Variants in TSNAX observed in about 807,000 individuals in gnomAD.
The protein encoded by TSNAX is translin-associated protein X.
A neutral mutation model predicts 33.0 loss-of-function variants in TSNAX; 12 were observed. The ratio of observed to expected loss-of-function variants is 0.36; its 90% confidence interval spans 0.23 to 0.59. The LOEUF is 0.59. TSNAX is among the 20% of genes least tolerant of loss of function. The probability of loss-of-function intolerance (pLI) is 0.74; values close to 1 mark genes in which losing one functional copy is unlikely to be tolerated. For synonymous variants in TSNAX, 110 were observed against 117.2 expected, an observed-to-expected ratio of 0.94 and a Z score of 0.40; for missense variants, 267 against 341.3, an observed-to-expected ratio of 0.78 and a Z score of 1.72.
At chr1:231,561,882 C>T (rs1255471674) in intron 5 of TSNAX, among the ~76,000 whole-genome samples, 7 of 152,092 alleles carry the variant, frequency 4.6e-5, no homozygotes, top group Non-Finnish European at 1.0e-4. Context: ...GCACCTGACA[C>T]GGAAGTGCTC....
At chr1:231,541,551 T>C (rs1009325302) in intron 3 of TSNAX, among the ~76,000 whole-genome samples, 1 of 152,150 alleles carries the variant, frequency 6.6e-6, no homozygotes, top group African/African-American at 2.4e-5. Flanking sequence ...TTCCACAATA[T>C]GTTATGATTT....
intron 4 of TSNAX, among the ~76,000 whole-genome samples, chr1:231,560,416 CCCTT>C (rs1279002460): frequency 9.3e-6 from 1 of 107,264 alleles, no homozygotes; most frequent in African/African-American, 3.5e-5. Context: ...TCCCCCCCCC[CCCTT>C]TTTTTTTTTT....
Position 231,537,356 on chromosome 1 carries a change from A to G in TSNAX, c.236+29A>G, listed in dbSNP as rs749382857. ...AGTAAGCATCTTTAGAATTTATTAC[A>G]GTTTGATACTAGCTATTAGAATATT... On this transcript the variant is annotated intron_variant, in intron 3 of 5. Coordinates refer to ENST00000366639, the MANE Select transcript of TSNAX (RefSeq NM_005999.3). 2.2e-6 allele frequency: 3 copies of G among 1,380,186 alleles called. No homozygotes were observed. In the East Asian group the frequency reaches 6.9e-5, roughly 32 times the overall value. The allele number at this position is 1,380,186 out of a possible 1,614,324, so 85.5% of individuals were successfully genotyped here.
In TSNAX at chr1:231,529,331, A is replaced by T; in HGVS notation, c.93A>T (p.Ser31=). The T allele has an allele frequency of 6.2e-7, 1 of 1,614,210 alleles. No homozygotes were observed. The highest frequency in any genetic ancestry group is 8.5e-7 in the Non-Finnish European group (1 of 1,180,024). The change falls in exon 2 of 6, where the codon TCA becomes TCT. Residue 31 remains serine (S), a synonymous_variant. Coordinates refer to ENST00000366639, the MANE Select transcript of TSNAX (RefSeq NM_005999.3). ...GAAGAGAAGGGAAGGATGTTAATTC[A>T]TCTTCACCCGTGATGTTGGCCTTTA... ...NQRREGKDVN[S]SSPVMLAFKS...
intron 4 of TSNAX, among the ~76,000 whole-genome samples, chr1:231,560,660 C>T (rs938457290): frequency 2.0e-5 from 3 of 151,926 alleles, no homozygotes; most frequent in South Asian, 2.1e-4. Context: ...TCAGGTGATC[C>T]GCCCACCTCA....
intron 2 of TSNAX, 99 bp downstream of exon 2, chr1:231,529,458 C>A: frequency 8.0e-7 from 1 of 1,253,146 alleles, no homozygotes; most frequent in Non-Finnish European, 1.1e-6. Context: ...TAATGTGAAA[C>A]TTTAGCTGGA....
chr1:231,530,552 T>C (rs1658622079), intron 2 of TSNAX, among the ~76,000 whole-genome samples: 1 of 151,870 alleles, frequency 6.6e-6, no homozygotes, highest in South Asian at 2.1e-4. Context: ...TGAAACCCCG[T>C]CTCTACTAAA....
intron 4 of TSNAX, among the ~76,000 whole-genome samples, chr1:231,558,525 T>TA (rs1660835861): frequency 6.6e-6 from 1 of 152,030 alleles, no homozygotes; most frequent in African/African-American, 2.4e-5. Flanking sequence ...CTTTAAAAAA[T>TA]TTTTTTTGCT....
At chr1:231,542,768 C>A in intron 4 of TSNAX, 157 bp downstream of exon 4, 1 of 836,196 alleles carries the variant, frequency 1.2e-6, no homozygotes, top group Non-Finnish European at 1.8e-6. Context: ...AATCCAAAGG[C>A]AAGTTGGCTT....
chr1:231,545,247 A>G (rs540989589), intron 4 of TSNAX, among the ~76,000 whole-genome samples: 3 of 152,304 alleles, frequency 2.0e-5, no homozygotes, highest in African/African-American at 7.2e-5. Flanking sequence ...TTGTTTTGGT[A>G]TTACTCCAAA....
At chr1:231,554,436 C>T (rs1660560461) in intron 4 of TSNAX, among the ~76,000 whole-genome samples, 1 of 152,116 alleles carries the variant, frequency 6.6e-6, no homozygotes, top group Non-Finnish European at 1.5e-5. Flanking sequence ...GGCCAAGGAG[C>T]AAAGTCGTCT....
intron 3 of TSNAX, among the ~76,000 whole-genome samples, chr1:231,537,596 G>A (rs1003201448): frequency 1.3e-5 from 2 of 151,830 alleles, no homozygotes; most frequent in African/African-American, 4.8e-5. Flanking sequence ...CAAAAATTAG[G>A]TGGGATTGGT....
chr1:231,534,712 G>A (rs1659043024), intron 2 of TSNAX: 1 of 152,128 alleles, frequency 6.6e-6, no homozygotes, highest in Admixed American at 6.5e-5. Flanking sequence ...CATACCCTTA[G>A]TACGTTTATC....
At position 231,529,303 on chromosome 1, in the gene TSNAX, A is replaced by G. The variant is rs756734169; in HGVS notation, c.65A>G (p.Gln22Arg). 3.1e-5 allele frequency: 50 copies of G among 1,614,206 alleles called. No homozygotes were observed. The highest frequency in any genetic ancestry group is 4.2e-5 in the Non-Finnish European group (49 of 1,180,036). The change falls in exon 2 of 6, where the codon CAA becomes CGA. Residue 22 changes from glutamine (Q) to arginine (R), a missense_variant. Gln to Arg is a conservative substitution (Grantham distance 43). Coordinates refer to ENST00000366639, the MANE Select transcript of TSNAX (RefSeq NM_005999.3). ...AAGCATGACAATTTCCCACATAACC[A>G]AAGAAGAGAAGGGAAGGATGTTAAT... Reference protein sequence around the residue: ...KRKHDNFPHNQRREGKDVNSS... With the variant: ...KRKHDNFPHNRRREGKDVNSS...
chr1:231,530,041 C>T (rs1658567200), intron 2 of TSNAX, among the ~76,000 whole-genome samples: 1 of 152,206 alleles, frequency 6.6e-6, no homozygotes, highest in South Asian at 2.1e-4. Context: ...GGCCTTTTGC[C>T]TGCAACCAGC....
chr1:231,558,641 G>C lies in TSNAX; in HGVS notation c.368-2487G>C, dbSNP rs1028958305. On this transcript the variant is annotated intron_variant, in intron 4 of 5. Coordinates refer to ENST00000366639, the MANE Select transcript of TSNAX (RefSeq NM_005999.3). ...TGGAGATGTGATTATGCATCTTTAC[G>C]TTTTGCTGTTTGCTTTTGTGTGCAT... Among the ~76,000 whole-genome samples the C allele has an allele frequency of 5.9e-5, 9 of 152,136 alleles. No homozygotes were observed. The South Asian group carries it at 1.9e-3, about 32-fold the overall frequency.
chr1:231,528,730 G>T lies in TSNAX; in HGVS notation c.-81G>T. ...GTTTTTCTGCAGGCTGTTTTCCCAG[G>T]TTCCCTCGGCCTGTACCTCGCGCAC... On this transcript the variant is annotated 5_prime_UTR_variant, in exon 1 of 6. Transcript: ENST00000366639. The T allele has an allele frequency of 2.5e-6, 4 of 1,568,766 alleles. No individual in the cohort carries two copies. Among genetic ancestry groups the T allele is most frequent in the Non-Finnish European group, 3.5e-6 (4 of 1,141,680 alleles).
chr1:231,546,581 AAT>A (rs1480004344), intron 4 of TSNAX, among the ~76,000 whole-genome samples: 3 of 152,200 alleles, frequency 2.0e-5, no homozygotes, highest in Non-Finnish European at 4.4e-5. Flanking sequence ...TATAGCTAAA[AAT>A]TGAATTTATC....
At chr1:231,546,807 C>T (rs1169624946) in intron 4 of TSNAX, among the ~76,000 whole-genome samples, 1 of 152,154 alleles carries the variant, frequency 6.6e-6, no homozygotes, top group African/African-American at 2.4e-5. Flanking sequence ...TGGGGCTCTG[C>T]TGTTACCAGT....
Sources: gnomAD v4.1 joint callset for allele counts (sites outside exome capture counted in the v4.1 genomes callset) on GRCh38, gnomAD v4.1.1 for gene constraint, MANE v1.5 for transcripts, NCBI Gene and HGNC (gene_info 2026-07-23, HGNC 2026-07-21) for gene names.